The following SLC16A11 variants were observed in gnomAD, a reference collection of about 807,000 sequenced individuals.
The protein encoded by SLC16A11 is monocarboxylate transporter 11.
In SLC16A11, 24 loss-of-function variants were observed where a neutral mutation model predicts 26.0. That is an observed-to-expected ratio of 0.92 (90% confidence interval 0.67 to 1.30). The LOEUF is 1.30. Among genes scored for constraint, SLC16A11 ranks in the 50% most tolerant of loss-of-function variants. The probability of loss-of-function intolerance (pLI) is 0.00; values close to 1 mark genes in which losing one functional copy is unlikely to be tolerated. For synonymous variants in SLC16A11, 332 were observed against 296.0 expected (o/e 1.12, Z -1.25); for missense variants, 638 against 597.7 (o/e 1.07, Z -0.70).
Position 7,043,091 on chromosome 17 carries a change from C to G in SLC16A11, c.203-18G>C, listed in dbSNP as rs1910841233. On this transcript the variant is annotated intron_variant, in intron 2 of 4. Coordinates refer to ENST00000574600, the MANE Select transcript of SLC16A11 (RefSeq NM_001370549.1). ...CACGGGGCCTGAAAGGGGGCGGAGT[C>G]AACGGAAGACACGCCCCCGGGCCCC... 1 of 1,509,726 alleles carries G rather than the reference C, an allele frequency of 6.6e-7. No homozygotes were observed. Among genetic ancestry groups the G allele is most frequent in the Admixed American group, 2.3e-5 (1 of 42,918 alleles). The allele number at this position is 1,509,726 out of a possible 1,614,324, so 93.5% of individuals were successfully genotyped here. A position where few individuals can be genotyped will look rare whatever the true frequency, so the allele number is the denominator to read the frequency against.
Position 7,042,767 on chromosome 17 carries a change from CGAATGAATAGGAGG to C in SLC16A11, c.347-18_347-5del. 6.5e-7 allele frequency: 1 copy of C among 1,536,932 alleles called. No individual in the cohort carries two copies. The highest frequency in any genetic ancestry group is 8.7e-7 in the Non-Finnish European group (1 of 1,143,592). ...AACACCAGGGCCCAACCAAAGCCTG[CGAATGAATAGGAGG>C]GGATGGGGGCCGGCACTGGGGACGC... On this transcript the variant is annotated splice_polypyrimidine_tract_variant and splice_region_variant and intron_variant, in intron 3 of 4. Transcript: ENST00000574600. The surrounding 1 kb of genome is among the most constrained non-coding windows in gnomAD (Gnocchi z 5.9).
chr17:7,041,840 C>T lies in SLC16A11; in HGVS notation c.1183G>A (p.Gly395Ser), dbSNP rs138521125. ...FLLSGSLILS[G>S]SFIYIGLPRA... ...GGCAACCCTATGTAGATGAAGCTGC[C>T]GGAGAGGATCAAAGAACCAGACAGG... The change falls in exon 5 of 5, where the codon GGC (glycine) becomes AGC (serine). Residue 395 changes from glycine (G) to serine (S), a missense_variant. Coordinates refer to ENST00000574600, the MANE Select transcript of SLC16A11 (RefSeq NM_001370549.1). 27 of 1,613,844 alleles carry T rather than the reference C, an allele frequency of 1.7e-5. No individual in the cohort carries two copies. In the East Asian group the frequency reaches 2.0e-4, roughly 12 times the overall value.
Position 7,042,508 on chromosome 17 carries a change from G to C in SLC16A11, c.602C>G (p.Ala201Gly), listed in dbSNP as rs1291136950. The C allele has an allele frequency of 6.4e-7, 1 of 1,562,846 alleles. No individual in the cohort carries two copies. Among genetic ancestry groups the C allele is most frequent in the Admixed American group, 1.9e-5 (1 of 51,366 alleles). The change falls in exon 4 of 5, where the codon GCC becomes GGC. Residue 201 changes from alanine (A) to glycine (G), a missense_variant. Transcript: ENST00000574600. This position sits in a 1 kb window ranked among gnomAD's most constrained non-coding sequence, Gnocchi z 5.9. Reference sequence around the variant, plus strand: ...GGCAGCTAGGGGACTACGCGGTGGGGCTGGGGGGTCTCCAGGAAGGACCAG... The same window carrying C: ...GGCAGCTAGGGGACTACGCGGTGGGCCTGGGGGGTCTCCAGGAAGGACCAG... Reference protein sequence around the residue: ...LPLVLPGDPPAPPRSPLAALG... With the variant: ...LPLVLPGDPPGPPRSPLAALG...
chr17:7,042,479 C>A lies in SLC16A11; in HGVS notation c.631G>T (p.Gly211Cys). The change falls in exon 4 of 5, where the codon GGC (glycine) becomes TGC (cysteine). Residue 211 changes from glycine to cysteine, a missense_variant. Coordinates refer to ENST00000574600, the MANE Select transcript of SLC16A11 (RefSeq NM_001370549.1). The surrounding 1 kb of genome is among the most constrained non-coding windows in gnomAD (Gnocchi z 5.9). ...GCCCGGCGTGTGAACAGACTCAGGCCGAGGGCAGCTAGGGGACTACGCGGT... is the reference window on the plus strand; with the variant it reads ...GCCCGGCGTGTGAACAGACTCAGGCAGAGGGCAGCTAGGGGACTACGCGGT... Reference protein sequence around the residue: ...APPRSPLAALGLSLFTRRAFS... With the variant: ...APPRSPLAALCLSLFTRRAFS... 1.3e-6 allele frequency: 2 copies of A among 1,558,530 alleles called. No individual in the cohort carries two copies. Among genetic ancestry groups the A allele is most frequent in the Non-Finnish European group, 1.7e-6 (2 of 1,151,060 alleles).
rs1910825361 is a variant in SLC16A11, at chr17:7,042,831, T to C, written c.347-68A>G. 2 of 1,571,732 alleles carry C rather than the reference T, an allele frequency of 1.3e-6. No individual in the cohort carries two copies. Among genetic ancestry groups the C allele is most frequent in the African/African-American group, 1.4e-5 (1 of 73,948 alleles). ...CCCGCCCCAGCATTCCCAGCCCGGC[T>C]CTCCGCACCAGGCCCCCGCCTCGTT... On this transcript the variant is annotated intron_variant, in intron 3 of 4. Coordinates refer to ENST00000574600, the MANE Select transcript of SLC16A11 (RefSeq NM_001370549.1). This position sits in a 1 kb window ranked among gnomAD's most constrained non-coding sequence, Gnocchi z 5.9.
intron 1 of SLC16A11, 121 bp downstream of exon 1, chr17:7,043,654 G>A (rs943076384): frequency 4.8e-6 from 7 of 1,472,876 alleles, no homozygotes; most frequent in Middle Eastern, 2.0e-4. Flanking sequence ...GGCGCGGGGC[G>A]GAGGGAGCCG....
In SLC16A11 at chr17:7,042,618, G is replaced by T; in HGVS notation, c.492C>A (p.Leu164=). ...GAGCGCCCCGCCAGCCGAAAGTATCGAGAAGAAGCTGCAAGGCGGGCGCCA... is the reference window on the plus strand; with the variant it reads ...GAGCGCCCCGCCAGCCGAAAGTATCTAGAAGAAGCTGCAAGGCGGGCGCCA... ...LLLAPALQLL[L]DTFGWRGALL... The change falls in exon 4 of 5, where the codon CTC becomes CTA. Residue 164 remains leucine (L), a synonymous_variant. Transcript: ENST00000574600. The surrounding 1 kb of genome is among the most constrained non-coding windows in gnomAD (Gnocchi z 5.9). The T allele has an allele frequency of 6.3e-7, 1 of 1,583,562 alleles. No homozygotes were observed.
chr17:7,041,743 G>A lies in SLC16A11; in HGVS notation c.1280C>T (p.Pro427Leu). The A allele has an allele frequency of 6.2e-7, 1 of 1,613,380 alleles. No individual in the cohort carries two copies. The highest frequency in any genetic ancestry group is 8.5e-7 in the Non-Finnish European group (1 of 1,179,916). The change falls in exon 5 of 5, where the codon CCC becomes CTC. Residue 427 changes from proline (P) to leucine (L), a missense_variant. Physicochemically the swap from Pro to Leu is moderately conservative, Grantham distance 98 (BLOSUM62 -3). Transcript: ENST00000574600. Reference protein sequence around the residue: ...TPPPETGELLPAPQAVLLSPG... With the variant: ...TPPPETGELLLAPQAVLLSPG... ...GGACAGCAAGACTGCCTGGGGAGCG[G>A]GAAGCAGCTCCCCCGTCTCTGGGGG...
In SLC16A11 at chr17:7,042,579, G is replaced by C. The variant is rs758690179; in HGVS notation, c.531C>G (p.Gly177=). The part of the protein sequence containing the change: ...FGWRGALLLL[G]AITLHLTPCG... ...AGGGGGTGAGGTGGAGGGTGATCGC[G>C]CCGAGGAGGAGCAGAGCGCCCCGCC... is the stretch of plus-strand genomic sequence containing the variant. Residue 177 remains glycine (G), a synonymous_variant, in exon 4 of 5, where the codon GGC becomes GGG. Coordinates refer to ENST00000574600, the MANE Select transcript of SLC16A11 (RefSeq NM_001370549.1). This position sits in a 1 kb window ranked among gnomAD's most constrained non-coding sequence, Gnocchi z 5.9. 39 of 1,583,378 alleles carry C rather than the reference G, an allele frequency of 2.5e-5. No homozygotes were observed. The highest frequency in any genetic ancestry group is 2.4e-4 in the Admixed American group (13 of 53,188).
rs769458762 is a variant in SLC16A11, at chr17:7,041,994, A to C, written c.1114+2T>G. On this transcript the variant is annotated splice_donor_variant, in intron 4 of 4. Coordinates refer to ENST00000574600, the MANE Select transcript of SLC16A11 (RefSeq NM_001370549.1). LOFTEE classifies it high-confidence loss of function. Reference sequence around the variant, plus strand: ...GGCAGATCTGTGAGCTCAGGTCCTTACCTGACAGGGGAGGGCCCAGGAGCC... The same window carrying C: ...GGCAGATCTGTGAGCTCAGGTCCTTCCCTGACAGGGGAGGGCCCAGGAGCC... 3.2e-6 allele frequency: 5 copies of C among 1,582,584 alleles called. No homozygotes were observed. The highest frequency in any genetic ancestry group is 4.3e-6 in the Non-Finnish European group (5 of 1,161,052).
Position 7,042,109 on chromosome 17 carries a change from G to A in SLC16A11, c.1001C>T (p.Pro334Leu), listed in dbSNP as rs1453695934. 6.2e-7 allele frequency: 1 copy of A among 1,604,380 alleles called. No homozygotes were observed. Among genetic ancestry groups the A allele is most frequent in the East Asian group, 2.3e-5 (1 of 44,422 alleles). The change falls in exon 4 of 5, where the codon CCG becomes CTG. Residue 334 changes from proline to leucine, a missense_variant. Coordinates refer to ENST00000574600, the MANE Select transcript of SLC16A11 (RefSeq NM_001370549.1). This position sits in a 1 kb window ranked among gnomAD's most constrained non-coding sequence, Gnocchi z 5.9. ...AYGLSAGSYA[P>L]LVFGVLPGLV... is the part of the protein sequence containing the mutation. The stretch of plus-strand genomic sequence containing the variant: ...CCCGGGGAGTACACCGAAAACCAGC[G>A]GGGCGTAACTCCCCGCGCTCAGCCC...
In SLC16A11 at chr17:7,042,638, G is replaced by A. The variant is rs1394741920; in HGVS notation, c.472C>T (p.Pro158Ser). ...GTATCGAGAAGAAGCTGCAAGGCGG[G>A]CGCCAGGAGCAGCGAGGAGGCCCCG... ...GNGASSLLLA[P>S]ALQLLLDTFG... Residue 158 changes from proline to serine, a missense_variant, in exon 4 of 5, where the codon CCC becomes TCC. Physicochemically the swap from Pro to Ser is moderately conservative, Grantham distance 74 (BLOSUM62 -1). Coordinates refer to ENST00000574600, the MANE Select transcript of SLC16A11 (RefSeq NM_001370549.1). This position sits in a 1 kb window ranked among gnomAD's most constrained non-coding sequence, Gnocchi z 5.9. 6.4e-7 allele frequency: 1 copy of A among 1,572,282 alleles called. No individual in the cohort carries two copies. The highest frequency in any genetic ancestry group is 8.6e-7 in the Non-Finnish European group (1 of 1,162,756).
Position 7,042,845 on chromosome 17 carries a change from C to A in SLC16A11, c.347-82G>T, listed in dbSNP as rs1910825978. The A allele has an allele frequency of 6.3e-7, 1 of 1,586,368 alleles. No individual in the cohort carries two copies. The highest frequency in any genetic ancestry group is 1.3e-5 in the African/African-American group (1 of 74,420). ...CCCAGCCCGGCTCTCCGCACCAGGCCCCCGCCTCGTTCGCTACCCCAGATC... is the reference window on the plus strand; with the variant it reads ...CCCAGCCCGGCTCTCCGCACCAGGCACCCGCCTCGTTCGCTACCCCAGATC... On this transcript the variant is annotated intron_variant, in intron 3 of 4. Transcript: ENST00000574600. This position sits in a 1 kb window ranked among gnomAD's most constrained non-coding sequence, Gnocchi z 5.9.
At position 7,042,209 on chromosome 17, in the gene SLC16A11, C is replaced by T. The variant is rs1910775703; in HGVS notation, c.901G>A (p.Val301Met). ...CCCACCACGGGCACCAGCCCCACCA[C>T]CCACAGCCCCAGCCCAGTCAGAGCC... is the stretch of plus-strand genomic sequence containing the variant. Reference protein sequence around the residue: ...FGALTGLGLWVVGLVPVVGGE... With the variant: ...FGALTGLGLWMVGLVPVVGGE... Residue 301 changes from valine (V) to methionine (M), a missense_variant, in exon 4 of 5, where the codon GTG (valine) becomes ATG (methionine). Physicochemically the swap from Val to Met is conservative, Grantham distance 21. Coordinates refer to ENST00000574600, the MANE Select transcript of SLC16A11 (RefSeq NM_001370549.1). This position sits in a 1 kb window ranked among gnomAD's most constrained non-coding sequence, Gnocchi z 5.9. 2 of 1,573,820 alleles carry T rather than the reference C, an allele frequency of 1.3e-6. No homozygotes were observed. Among genetic ancestry groups the T allele is most frequent in the Non-Finnish European group, 8.6e-7 (1 of 1,161,220 alleles).
rs756848271 is a variant in SLC16A11, at chr17:7,041,708, G to GGC, written c.1313_1314dup (p.Pro439AlafsTer16). On this transcript the variant is annotated frameshift_variant, in exon 5 of 5. Coordinates refer to ENST00000574600, the MANE Select transcript of SLC16A11 (RefSeq NM_001370549.1). LOFTEE classifies it high-confidence loss of function. ...CAAGTGGTGTCCAGAGTGGAGCCAG[G>GGC]GCCTCCTGGGGACAGCAAGACTGCC... 3.1e-6 allele frequency: 5 copies of GGC among 1,610,584 alleles called. No homozygotes were observed.
rs974381098 is a variant in SLC16A11 at position 7,043,908 on chromosome 17, C to T, written c.-140G>A. 2.2e-4 allele frequency: 70 copies of T among 324,690 alleles called. 1 individual carries two copies. Among genetic ancestry groups the T allele is most frequent in the Non-Finnish European group, 7.3e-5 (13 of 176,956 alleles). The allele number at this position is 324,690 out of a possible 1,614,324, so 20.1% of individuals were successfully genotyped here. A position where few individuals can be genotyped will look rare whatever the true frequency, so the allele number is the denominator to read the frequency against. On this transcript the variant is annotated 5_prime_UTR_variant, in exon 1 of 5. Transcript: ENST00000574600. ...ATGGAGCCCAACTTGGACGGGCTCT[C>T]TCGGTAAACAGAGATCACCACAGGG...
Position 7,043,033 on chromosome 17 carries a change from G to T in SLC16A11, c.243C>A (p.Arg81=). ...GGACGCCCCCAACCATCACCACGGG[G>T]CGGGCCCCCCAGCGCGTGCTCAGGG... ...GSALSTRWGA[R]PVVMVGGVLA... Residue 81 remains arginine, a synonymous_variant, in exon 3 of 5, where the codon CGC becomes CGA. Transcript: ENST00000574600. The T allele has an allele frequency of 6.3e-7, 1 of 1,580,132 alleles. No homozygotes were observed. The highest frequency in any genetic ancestry group is 8.6e-7 in the Non-Finnish European group (1 of 1,162,972).
Position 7,042,991 on chromosome 17 carries a change from G to C in SLC16A11, c.285C>G (p.Phe95Leu). ...GATCGCTGGCGAAAGCCGAGAAGAC[G>C]AAGCCCAGCGAGGCGAGGACGCCCC... ...MVGGVLASLG[F>L]VFSAFASDLL... Residue 95 changes from phenylalanine (F) to leucine (L), a missense_variant, in exon 3 of 5, where the codon TTC becomes TTG. By Grantham distance (22) the Phe-to-Leu change is conservative (BLOSUM62 0). Coordinates refer to ENST00000574600, the MANE Select transcript of SLC16A11 (RefSeq NM_001370549.1). The surrounding 1 kb of genome is among the most constrained non-coding windows in gnomAD (Gnocchi z 5.9). The C allele has an allele frequency of 6.2e-7, 1 of 1,609,540 alleles. No individual in the cohort carries two copies. Among genetic ancestry groups the C allele is most frequent in the East Asian group, 2.2e-5 (1 of 44,752 alleles).
chr17:7,043,357 T>A lies in SLC16A11; in HGVS notation c.157A>T (p.Thr53Ser). The change falls in exon 2 of 5, where the codon ACT (threonine) becomes TCT (serine). Residue 53 changes from threonine (T) to serine (S), a missense_variant. Transcript: ENST00000574600. ...AGGGCCAGGGCGCTGATCCACGCAG[T>A]GTCCTGGGCGCTTCGGTCAAAGTGC... ...AEHFDRSAQD[T>S]AWISALALAV... 3 of 1,610,508 alleles carry A rather than the reference T, an allele frequency of 1.9e-6. No individual in the cohort carries two copies. The highest frequency in any genetic ancestry group is 2.5e-6 in the Non-Finnish European group (3 of 1,179,850).
Sources: allele counts gnomAD v4.1 joint callset, GRCh38; gene constraint gnomAD v4.1.1; non-coding constraint Gnocchi (gnomAD v3.1); transcripts MANE v1.5; gene names NCBI Gene and HGNC (gene_info 2026-07-23, HGNC 2026-07-21).